Variants in CGGBP1 observed in about 807,000 individuals in gnomAD.
The protein encoded by CGGBP1 is CGG triplet repeat-binding protein 1.
In CGGBP1, 4 loss-of-function variants were observed where a neutral mutation model predicts 11.4. That is an observed-to-expected ratio of 0.35 (90% confidence interval 0.17 to 0.80). The LOEUF is 0.80. Ranked by LOEUF, CGGBP1 falls within the 30% of genes least tolerant of loss-of-function variation. The probability of loss-of-function intolerance (pLI) is 0.52; values close to 1 mark genes in which losing one functional copy is unlikely to be tolerated. For missense variants in CGGBP1, 135 were observed against 202.1 expected, an observed-to-expected ratio of 0.67 and a Z score of 2.01; for synonymous variants, 76 against 74.1, an observed-to-expected ratio of 1.03 and a Z score of -0.13.
rs1179554556 is a variant in CGGBP1, at chr3:88,058,923, G to A, written c.-439C>T. On this transcript the variant is annotated 5_prime_UTR_variant, in exon 1 of 4. Transcript: ENST00000482016. ...TAAGGGAGGAGGAGGATCCGTCGCT[G>A]CCGCCGTCGCCGCCGTTGCCCGATC... The A allele has an allele frequency of 1.6e-5, 3 of 191,528 alleles. No homozygotes were observed. In the East Asian group the frequency reaches 4.6e-4, roughly 29 times the overall value. The allele number at this position is 191,528 out of a possible 1,614,324, so 11.9% of individuals were successfully genotyped here.
At chr3:88,083,969 A>ATATAT (rs1708217409) in intron 2 of CGGBP1, among the ~76,000 whole-genome samples, 3 of 108,824 alleles carry the variant, frequency 2.8e-5, no homozygotes, top group African/African-American at 9.7e-5. Flanking sequence ...ATATATATAG[A>ATATAT]AAATATTTCA....
At chr3:88,060,515 C>T (rs918543712), upstream of CGGBP1, among the ~76,000 whole-genome samples, 8 of 152,168 alleles carry the variant, frequency 5.3e-5, no homozygotes, top group African/African-American at 1.7e-4. Flanking sequence ...CATCCCATCC[C>T]TTTTAAAATG....
At chr3:88,101,947 A>G (rs1455795617) in intron 2 of CGGBP1, among the ~76,000 whole-genome samples, 1 of 151,752 alleles carries the variant, frequency 6.6e-6, no homozygotes, top group Non-Finnish European at 1.5e-5. Flanking sequence ...GCTATTTTAT[A>G]TTTTCTTTGG....
intron 2 of CGGBP1, among the ~76,000 whole-genome samples, chr3:88,115,881 T>C (rs1478733286): frequency 6.6e-6 from 1 of 152,138 alleles, no homozygotes; most frequent in Non-Finnish European, 1.5e-5. Context: ...AAAATAATAA[T>C]GATAAATGCT....
Position 88,070,492 on chromosome 3 carries a change from A to G in CGGBP1, c.-228-12269T>C, listed in dbSNP as rs773419111. On this transcript the variant is annotated intron_variant, in intron 2 of 3. Transcript: ENST00000462901. ...ACTTGCCAAACAAATACAACCCAAC[A>G]ATAATTCAGACATACCAAAAAAAGT... Among the ~76,000 whole-genome samples the G allele has an allele frequency of 5.3e-5, 8 of 151,880 alleles. No homozygotes were observed. In the Middle Eastern group the frequency reaches 0.017, roughly 330 times the overall value.
chr3:88,075,073 G>C (rs1707726311), intron 2 of CGGBP1, among the ~76,000 whole-genome samples: 1 of 152,090 alleles, frequency 6.6e-6, no homozygotes, highest in Non-Finnish European at 1.5e-5. Context: ...TTCCATGGAC[G>C]GTAGCCCCAG....
At chr3:88,108,948 G>A (rs780081907) in intron 2 of CGGBP1, among the ~76,000 whole-genome samples, 18 of 152,102 alleles carry the variant, frequency 1.2e-4, no homozygotes, top group East Asian at 1.9e-4. Flanking sequence ...ACCTCAAACC[G>A]CAAAATTTAA....
chr3:88,103,679 G>A (rs1167522646), intron 2 of CGGBP1, among the ~76,000 whole-genome samples: 1 of 151,756 alleles, frequency 6.6e-6, no homozygotes, highest in African/African-American at 2.4e-5. Flanking sequence ...AAGATAATGT[G>A]TAGCGGACAT....
At chr3:88,059,643 T>C, upstream of CGGBP1, 11 of 843,422 alleles carry the variant, frequency 1.3e-5, no homozygotes, top group East Asian at 1.5e-4. Context: ...TGAAGCTCCC[T>C]CCTCCACTTA....
At chr3:88,083,706 G>GT (rs1309404552) in intron 2 of CGGBP1, among the ~76,000 whole-genome samples, 2 of 152,128 alleles carry the variant, frequency 1.3e-5, no homozygotes, top group Non-Finnish European at 2.9e-5. Context: ...GTAAGAGTGG[G>GT]TTTTTAAGAT....
intron 2 of CGGBP1, among the ~76,000 whole-genome samples, chr3:88,103,353 C>T (rs1704544493): frequency 6.6e-6 from 1 of 152,062 alleles, no homozygotes; most frequent in South Asian, 2.1e-4. Flanking sequence ...TGAAGAATGG[C>T]TAAGACCTTC....
chr3:88,134,083 A>T (rs984023453), intron 2 of CGGBP1, among the ~76,000 whole-genome samples: 1 of 151,394 alleles, frequency 6.6e-6, no homozygotes, highest in Non-Finnish European at 1.5e-5. Context: ...ACCTTGTGAG[A>T]GTTCTAAAAG....
At chr3:88,134,705 A>T (rs1706667608) in intron 2 of CGGBP1, among the ~76,000 whole-genome samples, 2 of 152,130 alleles carry the variant, frequency 1.3e-5, no homozygotes, top group African/African-American at 4.8e-5. Flanking sequence ...TGTTTTCTAA[A>T]TTTACAAGTA....
intron 2 of CGGBP1, among the ~76,000 whole-genome samples, chr3:88,098,009 A>T (rs1007152341): frequency 6.6e-6 from 1 of 152,214 alleles, no homozygotes; most frequent in Admixed American, 6.5e-5. Flanking sequence ...AGATAGAGAC[A>T]TAAAAAACCC....
At chr3:88,132,969 A>G (rs1183906025) in intron 2 of CGGBP1, among the ~76,000 whole-genome samples, 1 of 152,196 alleles carries the variant, frequency 6.6e-6, no homozygotes, top group East Asian at 1.9e-4. Flanking sequence ...GTAGTTCTCA[A>G]AGATAACTGC....
intron 2 of CGGBP1, among the ~76,000 whole-genome samples, chr3:88,071,829 G>A (rs747836300): frequency 8.6e-5 from 13 of 152,040 alleles, no homozygotes; most frequent in African/African-American, 1.4e-4. Context: ...AAACACTTCC[G>A]TATCAAACTT....
At chr3:88,119,892 T>G (rs1010803540) in intron 2 of CGGBP1, among the ~76,000 whole-genome samples, 1 of 152,156 alleles carries the variant, frequency 6.6e-6, no homozygotes, top group African/African-American at 2.4e-5. Flanking sequence ...AGTTGATGGT[T>G]TTACCGTAGT....
At chr3:88,126,579 CTTTTTTTTTTTTT>C (rs144091813) in intron 2 of CGGBP1, among the ~76,000 whole-genome samples, 6 of 81,776 alleles carry the variant, frequency 7.3e-5, no homozygotes, top group East Asian at 8.0e-4. Context: ...GTAGAAACAT[CTTTTTTTTTTTTT>C]TTTTTTTTTT....
At chr3:88,075,842 G>A (rs1707772063) in intron 2 of CGGBP1, among the ~76,000 whole-genome samples, 1 of 152,018 alleles carries the variant, frequency 6.6e-6, no homozygotes, top group African/African-American at 2.4e-5. Context: ...GGAGTTCCAA[G>A]TGCATCAAAA....
Sources: allele counts gnomAD v4.1 joint callset (sites outside exome capture counted in the v4.1 genomes callset), GRCh38; gene constraint gnomAD v4.1.1; transcripts MANE v1.5; gene names NCBI Gene and HGNC (gene_info 2026-07-23, HGNC 2026-07-21).